The following SIPA1L2 variants were observed in gnomAD, a reference collection of about 807,000 sequenced individuals.
The protein encoded by SIPA1L2 is signal-induced proliferation-associated 1-like protein 2.
A neutral mutation model predicts 163.9 loss-of-function variants in SIPA1L2; 56 were observed. The ratio of observed to expected loss-of-function variants is 0.34; its 90% CI spans 0.28 to 0.43. The LOEUF (loss-of-function observed/expected upper bound fraction) is 0.43, where lower values mean the gene tolerates loss of function less well. SIPA1L2 is among the 20% of genes least tolerant of loss of function. The pLI is 1.00. For missense variants in SIPA1L2, 1,974 were observed against 2,193.5 expected (o/e 0.90, Z 2.00); for synonymous variants, 877 against 865.7 (o/e 1.01, Z -0.23).
rs1663300008 is a variant in SIPA1L2, at chr1:232,629,960, G to A, written c.-410C>T. Among the ~76,000 whole-genome samples the A allele has an allele frequency of 6.6e-6, 1 of 150,732 alleles. No homozygotes were observed. Among genetic ancestry groups the A allele is most frequent in the South Asian group, 2.1e-4 (1 of 4,820 alleles). ...CCGCCTCGCCGCCCGCCGCTGCCCG[G>A]GGCTGCCCATCGGCCCGGACTCTCC... On this transcript the variant is annotated 5_prime_UTR_variant, in exon 1 of 23. Transcript: ENST00000674635.
chr1:232,529,377 G>A (rs1255704298), intron 2 of SIPA1L2, among the ~76,000 whole-genome samples: 1 of 152,046 alleles, frequency 6.6e-6, no homozygotes, highest in Non-Finnish European at 1.5e-5. Flanking sequence ...ACTATGTAAC[G>A]GTATACATTA....
intron 2 of SIPA1L2, among the ~76,000 whole-genome samples, chr1:232,556,583 A>G (rs1658716638): frequency 6.6e-6 from 1 of 152,232 alleles, no homozygotes; most frequent in Non-Finnish European, 1.5e-5. Flanking sequence ...TAAGTGTGTC[A>G]TCCGGGAAAA....
At chr1:232,574,919 T>C (rs1329344668) in intron 1 of SIPA1L2, among the ~76,000 whole-genome samples, 1 of 152,170 alleles carries the variant, frequency 6.6e-6, no homozygotes, top group Non-Finnish European at 1.5e-5. Flanking sequence ...AAAAAAACAA[T>C]TGGTCTTTTC....
intron 3 of SIPA1L2, among the ~76,000 whole-genome samples, chr1:232,508,908 A>G (rs12073680): frequency 0.14 from 21,093 of 152,166 alleles, 1,561 homozygotes; most frequent in Middle Eastern, 0.31. Flanking sequence ...CCTGGCCAAC[A>G]CGGCGAAACC....
intron 3 of SIPA1L2, among the ~76,000 whole-genome samples, chr1:232,505,540 G>A (rs750124876): frequency 6.6e-6 from 1 of 152,200 alleles, no homozygotes; most frequent in Admixed American, 6.5e-5. Flanking sequence ...GAGTCAGTAG[G>A]TTTTGAAATA....
chr1:232,601,483 A>G (rs568448763), intron 1 of SIPA1L2, among the ~76,000 whole-genome samples: 2 of 152,326 alleles, frequency 1.3e-5, no homozygotes, highest in Admixed American at 6.5e-5. Context: ...AGGATAACTC[A>G]AAACACTGAT....
Position 232,415,616 on chromosome 1 carries a change from C to G in SIPA1L2, c.4640G>C (p.Trp1547Ser). ...ATCTGATAAGGACCCATCGGAGAACCAGAACTCATCTAAACAGAAACAAAA... is the reference window on the plus strand; with the variant it reads ...ATCTGATAAGGACCCATCGGAGAACGAGAACTCATCTAAACAGAAACAAAA... ...PSMGSLRNEF[W>S]FSDGSLSDKS... Residue 1547 changes from tryptophan (W) to serine (S), a missense_variant, in exon 19 of 23, where the codon TGG becomes TCG. By Grantham distance (177) the Trp-to-Ser change is radical. Transcript: ENST00000674635. The G allele has an allele frequency of 6.2e-7, 1 of 1,614,048 alleles. No individual in the cohort carries two copies. Among genetic ancestry groups the G allele is most frequent in the East Asian group, 2.2e-5 (1 of 44,874 alleles).
At chr1:232,415,767 T>C (rs1299749756) in intron 18 of SIPA1L2, 142 bp from the exon 19 acceptor site, 1 of 1,024,002 alleles carries the variant, frequency 9.8e-7, no homozygotes, top group African/African-American at 2.0e-5. Flanking sequence ...CCAGAGTCAG[T>C]CAGAACACGG....
intron 1 of SIPA1L2, among the ~76,000 whole-genome samples, chr1:232,615,000 A>G (rs1662426967): frequency 1.3e-5 from 2 of 152,362 alleles, no homozygotes; most frequent in South Asian, 4.1e-4. Flanking sequence ...CTCTACTCTC[A>G]AAACATTCTG....
rs1558277719 is a variant in SIPA1L2, at chr1:232,572,760, TATATATATATATATATA to T, written c.-270+1397_-270+1413del. On this transcript the variant is annotated intron_variant, in intron 2 of 22. Transcript: ENST00000674635. ...ATACATATATATATATATATATATA[TATATATATATATATATA>T]TATTTATTTATTTATTTTTTCCTTG... 9.6e-3 allele frequency among the ~76,000 whole-genome samples: 778 copies of T among 81,020 alleles called. 26 individuals are homozygous for T. Among genetic ancestry groups the T allele is most frequent in the Admixed American group, 0.045 (327 of 7,254 alleles). The allele number at this position is 81,020 out of a possible 152,430, so 53.2% of individuals were successfully genotyped here.
chr1:232,479,600 A>T, intron 7 of SIPA1L2, 27 bp downstream of exon 7: 1 of 1,589,906 alleles, frequency 6.3e-7, no homozygotes, highest in South Asian at 1.1e-5. Context: ...ACTCAGCGTA[A>T]AAAGCTCCAG....
At chr1:232,477,592 GT>G (rs1426046708) in intron 7 of SIPA1L2, among the ~76,000 whole-genome samples, 2 of 152,178 alleles carry the variant, frequency 1.3e-5, no homozygotes, top group African/African-American at 4.8e-5. Context: ...TTACTTTCCA[GT>G]TGGGGAAGTT....
intron 15 of SIPA1L2, among the ~76,000 whole-genome samples, chr1:232,437,173 T>C (rs1314952431): frequency 6.6e-6 from 1 of 152,198 alleles, no homozygotes; most frequent in Non-Finnish European, 1.5e-5. Context: ...GCAGTCTCCA[T>C]AGAAATTTTA....
chr1:232,472,989 A>T (rs1664873492), intron 7 of SIPA1L2, among the ~76,000 whole-genome samples: 1 of 152,232 alleles, frequency 6.6e-6, no homozygotes, highest in South Asian at 2.1e-4. Flanking sequence ...AGTTATAAAC[A>T]CACAAAAATC....
intron 10 of SIPA1L2, among the ~76,000 whole-genome samples, chr1:232,449,410 C>T (rs1466338323): frequency 6.6e-6 from 1 of 150,448 alleles, no homozygotes; most frequent in Non-Finnish European, 1.5e-5. Flanking sequence ...CCCAGCTACT[C>T]GGGAGGCTGA....
intron 1 of SIPA1L2, among the ~76,000 whole-genome samples, chr1:232,615,034 G>C (rs1662428244): frequency 6.6e-6 from 1 of 152,212 alleles, no homozygotes; most frequent in Non-Finnish European, 1.5e-5. Flanking sequence ...CATGTTCATA[G>C]TACACTGTGG....
chr1:232,484,366 A>C (rs1326435928), intron 5 of SIPA1L2, among the ~76,000 whole-genome samples: 1 of 152,224 alleles, frequency 6.6e-6, no homozygotes, highest in Non-Finnish European at 1.5e-5. Context: ...ACAAACCTTT[A>C]AGTTTTTCTC....
At chr1:232,460,812 C>A in intron 10 of SIPA1L2, 75 bp downstream of exon 10, 1 of 1,536,274 alleles carries the variant, frequency 6.5e-7, no homozygotes. Context: ...GAGGACCTTG[C>A]AGGAGCACTG....
chr1:232,404,489 G>T (rs746285592), intron 19 of SIPA1L2, among the ~76,000 whole-genome samples: 33 of 152,188 alleles, frequency 2.2e-4, no homozygotes, highest in Non-Finnish European at 4.0e-4. Flanking sequence ...AAAGAGAGTG[G>T]TGGTAAGAGA....
Sources: gnomAD v4.1 joint callset for allele counts (sites outside exome capture counted in the v4.1 genomes callset) on GRCh38, gnomAD v4.1.1 for gene constraint, MANE v1.5 for transcripts, NCBI Gene and HGNC (gene_info 2026-07-23, HGNC 2026-07-21) for gene names.